TNPO1: variants seen among roughly 807,000 people sequenced by gnomAD.
The protein encoded by TNPO1 is transportin-1.
TNPO1 carries 8 observed loss-of-function variants against 119.5 expected under a neutral mutation model. That is an observed-to-expected ratio of 0.07 (90% confidence interval 0.04 to 0.12). TNPO1 has a LOEUF of 0.12. Ranked by LOEUF, TNPO1 falls within the 10% of genes least tolerant of loss-of-function variation. TNPO1 has a pLI of 1.00. For missense variants in TNPO1, 576 were observed against 1,089.8 expected (o/e 0.53, Z 6.64); for synonymous variants, 362 against 363.0 (o/e 1.00, Z 0.03).
At chr5:72,907,984 T>A (rs1045236076) in intron 24 of TNPO1, among the ~76,000 whole-genome samples, 6 of 152,038 alleles carry the variant, frequency 3.9e-5, no homozygotes, top group Non-Finnish European at 8.8e-5. Flanking sequence ...GCCCAGGAGG[T>A]TGGGGCTTCA....
intron 18 of TNPO1, 140 bp downstream of exon 18, chr5:72,893,843 C>A (rs1353393084): frequency 4.8e-6 from 4 of 834,394 alleles, no homozygotes; most frequent in Non-Finnish European, 1.9e-6. Context: ...AGTAAACTTG[C>A]TGTGATTGAA....
In TNPO1 at chr5:72,912,916, T is replaced by TAATTG. The variant is rs1750658278; in HGVS notation, c.*4245_*4246insTTGAA. 1 of 152,540 alleles carries TAATTG rather than the reference T, an allele frequency of 6.6e-6. No individual in the cohort carries two copies. Among genetic ancestry groups the TAATTG allele is most frequent in the Non-Finnish European group, 1.5e-5 (1 of 67,928 alleles). The allele number at this position is 152,540 out of a possible 1,614,324, so 9.4% of individuals were successfully genotyped here. On this transcript the variant is annotated 3_prime_UTR_variant, in exon 25 of 25. Coordinates refer to ENST00000337273, the MANE Select transcript of TNPO1 (RefSeq NM_002270.4). ...GAGTGTATCATGCATAACTGCAATTTAAGTCCTTCCTTTGATAATACTTCA... is the reference window on the plus strand; with the variant it reads ...GAGTGTATCATGCATAACTGCAATTTAATTGAAGTCCTTCCTTTGATAATACTTCA...
intron 6 of TNPO1, among the ~76,000 whole-genome samples, chr5:72,867,371 A>G (rs1033389703): frequency 1.0e-4 from 13 of 126,532 alleles, no homozygotes; most frequent in Non-Finnish European, 2.3e-4. Flanking sequence ...GACATTTACT[A>G]TGTACTCTTA....
chr5:72,816,664 C>T lies in TNPO1; in HGVS notation c.-74C>T, dbSNP rs1222196098. The T allele has an allele frequency of 1.6e-5, 23 of 1,478,622 alleles. No homozygotes were observed. In the East Asian group the frequency reaches 6.2e-4, roughly 40 times the overall value. 91.6% of individuals were successfully genotyped at this position (1,478,622 alleles called of 1,614,324 possible). On this transcript the variant is annotated 5_prime_UTR_variant, in exon 1 of 25. Coordinates refer to ENST00000337273, the MANE Select transcript of TNPO1 (RefSeq NM_002270.4). ...CGGTGAAGCCCAGATTCTCTTTGTT[C>T]CGCAGCCATTTCAGGCCCCGGACAG...
chr5:72,838,731 T>C lies in TNPO1; in HGVS notation c.16-9654T>C, dbSNP rs565292226. Among the ~76,000 whole-genome samples the C allele has an allele frequency of 5.9e-5, 9 of 152,310 alleles. No individual in the cohort carries two copies. In the East Asian group the frequency reaches 1.7e-3, roughly 29 times the overall value. On this transcript the variant is annotated intron_variant, in intron 1 of 24. Transcript: ENST00000337273. ...ACTTGAAGACAAGCTACTCTTTTAA[T>C]TGATGGTACTTACATATTTAATGAA...
chr5:72,882,403 A>C (rs1218512376), intron 9 of TNPO1, 64 bp from the exon 10 acceptor site: 1 of 1,260,204 alleles, frequency 7.9e-7, no homozygotes, highest in Non-Finnish European at 1.1e-6. Context: ...ATGTAAGGTT[A>C]AGACTTATTA....
At chr5:72,884,492 T>G (rs975740655) in intron 11 of TNPO1, among the ~76,000 whole-genome samples, 10 of 152,244 alleles carry the variant, frequency 6.6e-5, no homozygotes, top group Non-Finnish European at 1.2e-4. Context: ...AGTTGCTTTA[T>G]TATATTCAAA....
chr5:72,848,681 G>A (rs2112242531), intron 2 of TNPO1, among the ~76,000 whole-genome samples, 183 bp downstream of exon 2: 1 of 148,554 alleles, frequency 6.7e-6, no homozygotes, highest in East Asian at 2.0e-4. Context: ...ACTCGCGCAC[G>A]CGGCCCTGGT....
intron 13 of TNPO1, among the ~76,000 whole-genome samples, chr5:72,888,590 G>A (rs1365138583): frequency 1.3e-5 from 2 of 152,160 alleles, no homozygotes; most frequent in Non-Finnish European, 2.9e-5. Flanking sequence ...TGACAACATC[G>A]ATCTTAGCTG....
rs1276126979 is a variant in TNPO1 at position 72,895,689 on chromosome 5, T to TAG, written c.2144-768_2144-767insGA. ...TTCTTCATTTAATAATGAAGATACTTATATAGGGAGACATTTCCCATATCA... is the reference window on the plus strand; with the variant it reads ...TTCTTCATTTAATAATGAAGATACTTAGATATAGGGAGACATTTCCCATATCA... On this transcript the variant is annotated intron_variant, in intron 18 of 24. Transcript: ENST00000337273. 2.0e-5 allele frequency among the ~76,000 whole-genome samples: 3 copies of TAG among 152,200 alleles called. No individual in the cohort carries two copies. The East Asian group carries it at 5.8e-4, about 29-fold the overall frequency.
Position 72,908,805 on chromosome 5 carries a change from A to G in TNPO1, c.*132A>G. The G allele has an allele frequency of 2.4e-6, 1 of 417,166 alleles. No homozygotes were observed. Among genetic ancestry groups the G allele is most frequent in the South Asian group, 1.7e-5 (1 of 57,750 alleles). The allele number at this position is 417,166 out of a possible 1,614,324, so 25.8% of individuals were successfully genotyped here. ...GGTAAACCAGTAGGGAATACAGTAC[A>G]ATCCCAACCCTACTGGGAGGGGCGG... On this transcript the variant is annotated 3_prime_UTR_variant, in exon 25 of 25. Coordinates refer to ENST00000337273, the MANE Select transcript of TNPO1 (RefSeq NM_002270.4).
chr5:72,828,791 T>C (rs956561180), intron 1 of TNPO1, among the ~76,000 whole-genome samples: 6 of 152,172 alleles, frequency 3.9e-5, no homozygotes, highest in Non-Finnish European at 7.4e-5. Context: ...TCATGTCTTT[T>C]TAGATGGAGA....
intron 1 of TNPO1, among the ~76,000 whole-genome samples, chr5:72,827,006 G>A (rs1261607259): frequency 1.3e-5 from 2 of 152,096 alleles, no homozygotes; most frequent in Non-Finnish European, 2.9e-5. Context: ...AAAGCAGTGA[G>A]AGGAAATGGA....
chr5:72,816,870 C>T (rs1743716197), intron 1 of TNPO1, 118 bp downstream of exon 1: 15 of 1,308,460 alleles, frequency 1.1e-5, no homozygotes, highest in Non-Finnish European at 1.1e-5. Flanking sequence ...CTCTCGGCGC[C>T]TGCCCGGCCG....
At chr5:72,878,149 T>TAGAG (rs377123489) in intron 9 of TNPO1, among the ~76,000 whole-genome samples, 7 of 150,362 alleles carry the variant, frequency 4.7e-5, no homozygotes, top group Non-Finnish European at 8.9e-5. Flanking sequence ...GTGTACGCTA[T>TAGAG]AGAGAGAGAG....
rs1363511928 is a variant in TNPO1 at position 72,893,390 on chromosome 5, A to G, written c.1910A>G (p.Gln637Arg). ...TLAQAMLNNA[Q>R]PDQYEAPDKD... ...GTCTAATTTCAGCTAAACAATGCTCAACCAGATCAATATGAAGCTCCAGAT... is the reference window on the plus strand; with the variant it reads ...GTCTAATTTCAGCTAAACAATGCTCGACCAGATCAATATGAAGCTCCAGAT... The change falls in exon 17 of 25, where the codon CAA (glutamine) becomes CGA (arginine). Residue 637 changes from glutamine to arginine, a missense_variant. Around this residue, in one of 6 missense-constraint regions of TNPO1, gnomAD observed 21 missense variants for 23.9 expected, o/e 0.88. Transcript: ENST00000337273. The G allele has an allele frequency of 6.2e-7, 1 of 1,613,500 alleles. No individual in the cohort carries two copies. Among genetic ancestry groups the G allele is most frequent in the Non-Finnish European group, 8.5e-7 (1 of 1,179,872 alleles).
intron 2 of TNPO1, among the ~76,000 whole-genome samples, chr5:72,848,939 C>T (rs1393683043): frequency 1.1e-4 from 17 of 151,848 alleles, no homozygotes; most frequent in Admixed American, 9.8e-4. Flanking sequence ...GTGGAGGGCG[C>T]TCTGTGCGCG....
In TNPO1 at chr5:72,875,747, G is replaced by A. The variant is rs750842850; in HGVS notation, c.801+10G>A. 28 of 1,587,942 alleles carry A rather than the reference G, an allele frequency of 1.8e-5. No individual in the cohort carries two copies. The South Asian group carries it at 2.5e-4, about 14-fold the overall frequency. ...GCATAATATAGTTGAGGTAACACTG[G>A]CAATTTAAAGGCTCTTTCATCATCT... On this transcript the variant is annotated intron_variant, in intron 8 of 24. Transcript: ENST00000337273.
At chr5:72,838,895 TCA>T (rs1744802642) in intron 1 of TNPO1, among the ~76,000 whole-genome samples, 2 of 152,170 alleles carry the variant, frequency 1.3e-5, no homozygotes, top group Non-Finnish European at 2.9e-5. Flanking sequence ...TTTCCTTAAC[TCA>T]CAGGGTAGTT....
Sources: allele counts gnomAD v4.1 joint callset (sites outside exome capture counted in the v4.1 genomes callset), GRCh38; gene constraint gnomAD v4.1.1; regional missense constraint gnomAD v4.1.1; transcripts MANE v1.5; gene names NCBI Gene and HGNC (gene_info 2026-07-23, HGNC 2026-07-21).